Variants in PTGIS observed in about 807,000 individuals in gnomAD.
The protein encoded by PTGIS is prostacyclin synthase.
Under a neutral mutation model 50.3 loss-of-function variants are expected in PTGIS, and 45 were observed. That is an observed-to-expected ratio of 0.90 (90% CI 0.70 to 1.15). The LOEUF (loss-of-function observed/expected upper bound fraction) is 1.15. Ranked by LOEUF, PTGIS falls within the 50% of genes most tolerant of loss-of-function variation. The pLI is 0.00. For synonymous variants in PTGIS, 260 were observed against 267.7 expected (o/e 0.97, Z 0.28); for missense variants, 668 against 661.3 (o/e 1.01, Z -0.11).
chr20:49,543,798 G>T (rs1165346011), intron 4 of PTGIS, among the ~76,000 whole-genome samples: 3 of 152,070 alleles, frequency 2.0e-5, no homozygotes, highest in Admixed American at 2.0e-4. Flanking sequence ...ACTCAATTCG[G>T]CCTCCCCCAC....
chr20:49,513,332 T>A, intron 7 of PTGIS, 71 bp from the exon 8 acceptor site: 1 of 1,523,194 alleles, frequency 6.6e-7, no homozygotes. Context: ...ACCCCAGCTC[T>A]TATTTTACAG....
At chr20:49,544,493 A>C (rs1016685370) in intron 3 of PTGIS, 45 bp from the exon 4 acceptor site, 1 of 1,611,510 alleles carries the variant, frequency 6.2e-7, no homozygotes, top group East Asian at 2.2e-5. Flanking sequence ...TCCAAAGGGA[A>C]ATACACACCT....
chr20:49,516,770 C>T (rs888716153), intron 6 of PTGIS, among the ~76,000 whole-genome samples: 2 of 152,172 alleles, frequency 1.3e-5, no homozygotes, highest in Non-Finnish European at 2.9e-5. Context: ...AAAAGGAAAA[C>T]GAAGTACTCC....
Position 49,539,584 on chromosome 20 carries a change from C to A in PTGIS, c.659G>T (p.Gly220Val). 1 of 1,613,734 alleles carries A rather than the reference C, an allele frequency of 6.2e-7. No individual in the cohort carries two copies. The highest frequency in any genetic ancestry group is 8.5e-7 in the Non-Finnish European group (1 of 1,179,890). Residue 220 changes from glycine to valine, a missense_variant, in exon 5 of 10, where the codon GGC (glycine) becomes GTC (valine). Physicochemically the swap from Gly to Val is moderately radical, Grantham distance 109. Coordinates refer to ENST00000244043, the MANE Select transcript of PTGIS (RefSeq NM_000961.4). ...ATGGTGCTTACCCACTGACAGGGAGCCACGGGCCAGTTTGGGGAGCAGCCG... is the reference window on the plus strand; with the variant it reads ...ATGGTGCTTACCCACTGACAGGGAGACACGGGCCAGTTTGGGGAGCAGCCG... ...LDRLLPKLAR[G>V]SLSVGDKDHM...
intron 1 of PTGIS, among the ~76,000 whole-genome samples, chr20:49,554,615 C>T (rs1044976073): frequency 1.3e-5 from 2 of 152,092 alleles, no homozygotes; most frequent in Non-Finnish European, 2.9e-5. Context: ...ACTATTCAAC[C>T]TCTCTAGGCC....
At chr20:49,548,420 C>T (rs571612251) in intron 2 of PTGIS, among the ~76,000 whole-genome samples, 1 of 152,114 alleles carries the variant, frequency 6.6e-6, no homozygotes, top group East Asian at 1.9e-4. Flanking sequence ...ATCCTGTGCA[C>T]ATCATGGATG....
chr20:49,528,214 G>A (rs189067121), intron 5 of PTGIS, among the ~76,000 whole-genome samples: 8 of 152,272 alleles, frequency 5.3e-5, no homozygotes, highest in East Asian at 1.9e-4. Context: ...GAAAAATTCC[G>A]GACATAAACA....
At chr20:49,559,357 G>A (rs980300214) in intron 1 of PTGIS, among the ~76,000 whole-genome samples, 1 of 151,950 alleles carries the variant, frequency 6.6e-6, no homozygotes, top group Non-Finnish European at 1.5e-5. Context: ...GAAACGCCCT[G>A]GTCTGTCTAT....
At position 49,515,887 on chromosome 20, in the gene PTGIS, C is replaced by CT. The variant is rs899875953; in HGVS notation, c.856-1493dup. Among the ~76,000 whole-genome samples the CT allele has an allele frequency of 8.6e-3, 1,262 of 146,784 alleles. 20 individuals are homozygous for CT. The highest frequency in any genetic ancestry group is 0.029 in the African/African-American group (1,159 of 40,254). On this transcript the variant is annotated intron_variant, in intron 6 of 9. Transcript: ENST00000244043. ...ATACATGAAGAAGTACAGACCATCT[C>CT]TTTTTTTTTTTGAGACAGGGTCTTG...
chr20:49,565,239 G>A (rs1982868552), intron 1 of PTGIS, among the ~76,000 whole-genome samples: 2 of 151,670 alleles, frequency 1.3e-5, no homozygotes, highest in Admixed American at 1.3e-4. Context: ...CCCGGCCATT[G>A]TCCTTCTTTA....
At chr20:49,521,123 A>G (rs763151085) in intron 6 of PTGIS, among the ~76,000 whole-genome samples, 12 of 152,176 alleles carry the variant, frequency 7.9e-5, no homozygotes, top group Non-Finnish European at 1.3e-4. Flanking sequence ...AGCACTTGTT[A>G]TCTGCAAGGC....
intron 1 of PTGIS, among the ~76,000 whole-genome samples, chr20:49,567,548 G>C (rs1982930840): frequency 1.3e-5 from 2 of 152,220 alleles, no homozygotes; most frequent in South Asian, 4.1e-4. Context: ...TCCCATCTGT[G>C]TAATGGGTTG....
At chr20:49,533,620 C>T (rs1191122432) in intron 5 of PTGIS, among the ~76,000 whole-genome samples, 2 of 152,160 alleles carry the variant, frequency 1.3e-5, no homozygotes, top group African/African-American at 2.4e-5. Flanking sequence ...CTCTCCACCC[C>T]TTCTCGGCCT....
At chr20:49,530,821 G>A (rs558699380) in intron 5 of PTGIS, among the ~76,000 whole-genome samples, 2 of 152,218 alleles carry the variant, frequency 1.3e-5, no homozygotes, top group South Asian at 2.1e-4. Context: ...GTGCAGTGGC[G>A]TGATCTCGGC....
At chr20:49,531,423 C>T (rs752181349) in intron 5 of PTGIS, among the ~76,000 whole-genome samples, 12 of 152,056 alleles carry the variant, frequency 7.9e-5, no homozygotes, top group Non-Finnish European at 1.3e-4. Flanking sequence ...AGCAAATGTT[C>T]GAAATGGTTA....
chr20:49,564,610 G>A (rs1982850574), intron 1 of PTGIS, among the ~76,000 whole-genome samples: 1 of 152,000 alleles, frequency 6.6e-6, no homozygotes, highest in Non-Finnish European at 1.5e-5. Flanking sequence ...AGGTACATGG[G>A]GCTTCTTACC....
intron 5 of PTGIS, among the ~76,000 whole-genome samples, chr20:49,535,733 C>T (rs757365140): frequency 1.3e-5 from 2 of 152,168 alleles, no homozygotes; most frequent in Non-Finnish European, 2.9e-5. Flanking sequence ...CCAGGCTGGT[C>T]GCAAACTCCT....
At chr20:49,533,562 A>C (rs991317672) in intron 5 of PTGIS, among the ~76,000 whole-genome samples, 32 of 152,280 alleles carry the variant, frequency 2.1e-4, no homozygotes, top group African/African-American at 7.2e-4. Flanking sequence ...AAAGAAGAAA[A>C]ATAAAGAATC....
At chr20:49,567,513 G>T (rs1234090778) in intron 1 of PTGIS, among the ~76,000 whole-genome samples, 2 of 152,212 alleles carry the variant, frequency 1.3e-5, no homozygotes, top group Non-Finnish European at 2.9e-5. Flanking sequence ...TCCCCCAGGG[G>T]CTCTACACTC....
Sources: gnomAD v4.1 joint callset for allele counts (sites outside exome capture counted in the v4.1 genomes callset) on GRCh38, gnomAD v4.1.1 for gene constraint, MANE v1.5 for transcripts, NCBI Gene and HGNC (gene_info 2026-07-23, HGNC 2026-07-21) for gene names.